The following ADAMTS12 variants were observed in gnomAD, a reference collection of about 807,000 sequenced individuals.
ADAMTS12 encodes ADAM metallopeptidase with thrombospondin type 1 motif 12, also known as A disintegrin and metalloproteinase with thrombospondin motifs 12.
A neutral mutation model predicts 167.8 loss-of-function variants in ADAMTS12; 118 were observed. That is an observed-to-expected ratio of 0.70 (90% confidence interval 0.61 to 0.82). ADAMTS12 has a LOEUF of 0.82. Among genes scored for constraint, ADAMTS12 ranks in the 40% least tolerant of loss-of-function variants. ADAMTS12 has a pLI of 0.00. For synonymous variants in ADAMTS12, 704 were observed against 716.9 expected, an observed-to-expected ratio of 0.98 and a Z score of 0.29; for missense variants, 1,916 against 1,998.8, an observed-to-expected ratio of 0.96 and a Z score of 0.79.
At chr5:33,697,199 G>C (rs1376253014) in intron 3 of ADAMTS12, among the ~76,000 whole-genome samples, 2 of 152,152 alleles carry the variant, frequency 1.3e-5, no homozygotes, top group Non-Finnish European at 2.9e-5. Flanking sequence ...AAACTGCCGG[G>C]CTCTCTAGGG....
At chr5:33,871,205 AC>A (rs1750027281) in intron 2 of ADAMTS12, among the ~76,000 whole-genome samples, 1 of 152,210 alleles carries the variant, frequency 6.6e-6, no homozygotes, top group African/African-American at 2.4e-5. Context: ...AAAGTTCATA[AC>A]TTTTTAAAAC....
At position 33,855,208 on chromosome 5, in the gene ADAMTS12, T is replaced by C. The variant is rs568189885; in HGVS notation, c.489+25911A>G. ...ATCTGGGCCAAGAACTGAACTGCACTTAAAAGAGTAACGTGGTATGAGGCA... is the reference window on the plus strand; with the variant it reads ...ATCTGGGCCAAGAACTGAACTGCACCTAAAAGAGTAACGTGGTATGAGGCA... On this transcript the variant is annotated intron_variant, in intron 2 of 23. Transcript: ENST00000504830. Among the ~76,000 whole-genome samples the C allele has an allele frequency of 3.8e-4, 58 of 152,352 alleles. 1 individual carries two copies. The highest frequency in any genetic ancestry group is 3.7e-3 in the Admixed American group (57 of 15,310).
intron 2 of ADAMTS12, among the ~76,000 whole-genome samples, chr5:33,869,572 TG>T (rs1217778994): frequency 3.3e-5 from 5 of 152,266 alleles, no homozygotes; most frequent in East Asian, 3.9e-4. Flanking sequence ...GGTTCTGTGA[TG>T]CCCCCTGAGC....
chr5:33,547,103 C>A (rs1745022511), intron 21 of ADAMTS12, among the ~76,000 whole-genome samples: 2 of 152,174 alleles, frequency 1.3e-5, no homozygotes, highest in African/African-American at 4.8e-5. Context: ...ACTTATTCAA[C>A]CTGTTTTTAA....
intron 22 of ADAMTS12, among the ~76,000 whole-genome samples, chr5:33,545,762 C>CA (rs1248883408): frequency 7.5e-6 from 1 of 134,030 alleles, no homozygotes. Context: ...ATCGCAAGGA[C>CA]AAAAAACCAA....
chr5:33,730,289 G>GGTGTGTGTGTGT (rs762232547), intron 3 of ADAMTS12, among the ~76,000 whole-genome samples: 6,478 of 144,146 alleles, frequency 0.045, 180 homozygotes, highest in Middle Eastern at 0.087. Flanking sequence ...AGTCCATTAG[G>GGTGTGTGTGTGT]GTGTGTGTGT....
chr5:33,541,743 A>G (rs2111789507), intron 22 of ADAMTS12, among the ~76,000 whole-genome samples: 1 of 152,362 alleles, frequency 6.6e-6, no homozygotes, highest in Admixed American at 6.5e-5. Context: ...ACTAAGCTTC[A>G]TAAGTGAAGG....
rs578225869 is a variant in ADAMTS12, at chr5:33,666,313, T to C, written c.916-4273A>G. Reference sequence around the variant, plus strand: ...TTTTCACTTAATAACGTCCTGCTAATAACCTCCACCTGGCAACCTTCATTT... The same window carrying C: ...TTTTCACTTAATAACGTCCTGCTAACAACCTCCACCTGGCAACCTTCATTT... On this transcript the variant is annotated intron_variant, in intron 5 of 23. Transcript: ENST00000504830. Among the ~76,000 whole-genome samples the C allele has an allele frequency of 3.7e-4, 57 of 152,318 alleles. No homozygotes were observed. The South Asian group carries it at 0.011, about 30-fold the overall frequency.
intron 22 of ADAMTS12, among the ~76,000 whole-genome samples, chr5:33,542,843 C>T (rs188449806): frequency 3.3e-4 from 50 of 152,280 alleles, no homozygotes; most frequent in African/African-American, 1.1e-3. Flanking sequence ...GTACCAGAAT[C>T]TCTGGGACAC....
chr5:33,711,507 C>T (rs1392004725), intron 3 of ADAMTS12, among the ~76,000 whole-genome samples: 2 of 152,134 alleles, frequency 1.3e-5, no homozygotes, highest in African/African-American at 4.8e-5. Context: ...AGGGGACACA[C>T]AGCACAAACA....
chr5:33,598,154 C>T (rs1457308596), intron 16 of ADAMTS12, among the ~76,000 whole-genome samples: 1 of 152,132 alleles, frequency 6.6e-6, no homozygotes, highest in African/African-American at 2.4e-5. Context: ...GTCAGAGTTT[C>T]TCCACTGACA....
intron 2 of ADAMTS12, among the ~76,000 whole-genome samples, chr5:33,829,533 T>G (rs1748217333): frequency 6.6e-6 from 1 of 152,186 alleles, no homozygotes; most frequent in Admixed American, 6.5e-5. Context: ...CAACTTCAAA[T>G]TCAGCCTGGA....
At chr5:33,766,087 A>C (rs2112417393) in intron 2 of ADAMTS12, among the ~76,000 whole-genome samples, 1 of 152,310 alleles carries the variant, frequency 6.6e-6, no homozygotes, top group Non-Finnish European at 1.5e-5. Flanking sequence ...CAAATAGTTT[A>C]ATCTTCTCTC....
At position 33,601,326 on chromosome 5, in the gene ADAMTS12, T is replaced by A. The variant is rs564064551; in HGVS notation, c.2528-5266A>T. 4.6e-5 allele frequency among the ~76,000 whole-genome samples: 7 copies of A among 152,314 alleles called. No homozygotes were observed. The East Asian group carries it at 1.3e-3, about 29-fold the overall frequency. ...GGGTTGTTGTGAGGACAAAATGATG[T>A]ATGCATCCTCATATGCCCACGATGT... On this transcript the variant is annotated intron_variant, in intron 16 of 23. Transcript: ENST00000504830.
intron 19 of ADAMTS12, among the ~76,000 whole-genome samples, chr5:33,571,855 A>C (rs1746368020): frequency 6.6e-6 from 1 of 151,964 alleles, no homozygotes; most frequent in East Asian, 1.9e-4. Context: ...CGCTAGCAAG[A>C]CTAATAAAGA....
At chr5:33,762,324 C>T (rs1043300332) in intron 2 of ADAMTS12, among the ~76,000 whole-genome samples, 8 of 151,838 alleles carry the variant, frequency 5.3e-5, no homozygotes, top group Middle Eastern at 3.4e-3. Flanking sequence ...CTGGCTAACA[C>T]GGTGAAACCC....
intron 2 of ADAMTS12, among the ~76,000 whole-genome samples, chr5:33,775,211 G>T (rs1745873958): frequency 6.6e-6 from 1 of 152,088 alleles, no homozygotes; most frequent in South Asian, 2.1e-4. Context: ...CCTTATCTTA[G>T]GGCTTTGAGC....
At chr5:33,719,507 A>C (rs1743734338) in intron 3 of ADAMTS12, among the ~76,000 whole-genome samples, 1 of 152,228 alleles carries the variant, frequency 6.6e-6, no homozygotes, top group African/African-American at 2.4e-5. Context: ...AATGAATTGT[A>C]CACATGATTA....
intron 19 of ADAMTS12, among the ~76,000 whole-genome samples, chr5:33,568,722 G>C (rs1227429060): frequency 6.6e-6 from 1 of 152,250 alleles, no homozygotes; most frequent in Non-Finnish European, 1.5e-5. Flanking sequence ...CATCTCACTA[G>C]GGAGTGCCAG....
Sources: gnomAD v4.1 joint callset for allele counts (sites outside exome capture counted in the v4.1 genomes callset) on GRCh38, gnomAD v4.1.1 for gene constraint, MANE v1.5 for transcripts, NCBI Gene and HGNC (gene_info 2026-07-23, HGNC 2026-07-21) for gene names.